CFAP61: variants seen among roughly 807,000 people sequenced by gnomAD.
CFAP61 encodes the protein cilia and flagella associated protein 61.
CFAP61 carries 107 observed loss-of-function variants against 135.6 expected under a neutral mutation model. The ratio of observed to expected loss-of-function variants is 0.79; its 90% CI spans 0.67 to 0.93. The LOEUF (loss-of-function observed/expected upper bound fraction) is 0.93, where lower values mean the gene tolerates loss of function less well. CFAP61 is among the 40% of genes least tolerant of loss of function. The pLI is 0.00. For missense variants in CFAP61, 1,507 were observed against 1,556.2 expected, an observed-to-expected ratio of 0.97 and a Z score of 0.53; for synonymous variants, 575 against 578.5, an observed-to-expected ratio of 0.99 and a Z score of 0.09.
intron 7 of CFAP61, among the ~76,000 whole-genome samples, chr20:20,096,560 C>G (rs2047587818): frequency 6.6e-6 from 1 of 152,220 alleles, no homozygotes; most frequent in African/African-American, 2.4e-5. Context: ...GTGAAGCCAG[C>G]AAAAGGTATT....
chr20:20,069,920 G>A, intron 2 of CFAP61: 2 of 276,254 alleles, frequency 7.2e-6, no homozygotes, highest in Non-Finnish European at 1.5e-5. Flanking sequence ...TGCCTTCTTT[G>A]TGTTTTGAGT....
chr20:20,246,289 T>G, intron 19 of CFAP61, 74 bp downstream of exon 19: 1 of 948,232 alleles, frequency 1.1e-6, no homozygotes, highest in Non-Finnish European at 1.7e-6. Flanking sequence ...TAATGCTAAA[T>G]AGTAGATTTC....
At chr20:20,085,829 C>A (rs1327943015) in intron 6 of CFAP61, among the ~76,000 whole-genome samples, 1 of 152,216 alleles carries the variant, frequency 6.6e-6, no homozygotes, top group African/African-American at 2.4e-5. Context: ...TTGTTGACTA[C>A]TCTCTCCTAG....
At chr20:20,254,969 G>C (rs891987206) in intron 20 of CFAP61, among the ~76,000 whole-genome samples, 7 of 152,208 alleles carry the variant, frequency 4.6e-5, no homozygotes, top group African/African-American at 1.7e-4. Context: ...CTTCCTCCCA[G>C]CTCTCTTTCC....
At chr20:20,167,512 G>T (rs2053924701) in intron 12 of CFAP61, among the ~76,000 whole-genome samples, 1 of 152,108 alleles carries the variant, frequency 6.6e-6, no homozygotes, top group Admixed American at 6.6e-5. Flanking sequence ...AAAGGTAAAA[G>T]AGCTGTTTAC....
At chr20:20,082,062 T>C (rs939717749) in intron 6 of CFAP61, among the ~76,000 whole-genome samples, 3 of 152,230 alleles carry the variant, frequency 2.0e-5, no homozygotes, top group African/African-American at 7.2e-5. Flanking sequence ...ATTGCAGTTG[T>C]GTGGACTACC....
chr20:20,265,266 T>G, intron 21 of CFAP61: 1 of 709,848 alleles, frequency 1.4e-6, no homozygotes, highest in East Asian at 2.5e-5. Flanking sequence ...TTGTTTGGGC[T>G]AGGGAGCATT....
intron 2 of CFAP61, among the ~76,000 whole-genome samples, chr20:20,066,968 G>T (rs1030409018): frequency 1.6e-4 from 25 of 152,030 alleles, no homozygotes; most frequent in African/African-American, 6.0e-4. Context: ...TGTGGAGGGG[G>T]CGGATGTGAT....
intron 6 of CFAP61, among the ~76,000 whole-genome samples, chr20:20,078,771 A>G (rs1320774292): frequency 6.6e-6 from 1 of 152,204 alleles, no homozygotes; most frequent in Non-Finnish European, 1.5e-5. Flanking sequence ...ATGCAGGGAA[A>G]TGAAATTATT....
chr20:20,358,404 G>T (rs1044318269), intron 26 of CFAP61, among the ~76,000 whole-genome samples: 1 of 152,162 alleles, frequency 6.6e-6, no homozygotes, highest in Non-Finnish European at 1.5e-5. Flanking sequence ...GTGGTTTTAC[G>T]CTATTTAACC....
rs1483334829 is a variant in CFAP61, at chr20:20,052,538, C to T, written c.-90C>T. 2 of 1,614,226 alleles carry T rather than the reference C, an allele frequency of 1.2e-6. No homozygotes were observed. The highest frequency in any genetic ancestry group is 1.1e-5 in the South Asian group (1 of 91,088). ...CACCGTTTCCATGGTGACCAGGCTGCGCGTCCTCCTTGCGGCAGCGCGTGG... is the reference window on the plus strand; with the variant it reads ...CACCGTTTCCATGGTGACCAGGCTGTGCGTCCTCCTTGCGGCAGCGCGTGG... On this transcript the variant is annotated 5_prime_UTR_variant, in exon 1 of 27. Coordinates refer to ENST00000245957, the MANE Select transcript of CFAP61 (RefSeq NM_015585.4).
intron 6 of CFAP61, among the ~76,000 whole-genome samples, chr20:20,081,950 C>T (rs1279375195): frequency 6.6e-6 from 1 of 152,190 alleles, no homozygotes; most frequent in African/African-American, 2.4e-5. Context: ...GTGCCTTTGC[C>T]TGCAGAAGGT....
In CFAP61 at chr20:20,075,551, G is replaced by A; in HGVS notation, c.502G>A (p.Asp168Asn). 1 of 1,614,146 alleles carries A rather than the reference G, an allele frequency of 6.2e-7. No homozygotes were observed. Among genetic ancestry groups the A allele is most frequent in the Non-Finnish European group, 8.5e-7 (1 of 1,180,002 alleles). Residue 168 changes from aspartate to asparagine, a missense_variant, in exon 6 of 27, where the codon GAC (aspartate) becomes AAC (asparagine). Physicochemically the swap from Asp to Asn is conservative, Grantham distance 23. Transcript: ENST00000245957. ...GNIPCLTYEEDFAVHICHRHS... is the reference protein window; with the variant it reads ...GNIPCLTYEENFAVHICHRHS... Reference sequence around the variant, plus strand: ...CATCCCGTGTCTGACGTATGAGGAAGACTTTGCAGTGCATATATGTCACAG... The same window carrying A: ...CATCCCGTGTCTGACGTATGAGGAAAACTTTGCAGTGCATATATGTCACAG...
chr20:20,352,818 C>G (rs925893252), intron 26 of CFAP61, among the ~76,000 whole-genome samples: 1 of 152,068 alleles, frequency 6.6e-6, no homozygotes, highest in African/African-American at 2.4e-5. Context: ...GCACAGGCAA[C>G]AAAAGCAAAA....
chr20:20,252,708 G>C (rs141306225), intron 20 of CFAP61, among the ~76,000 whole-genome samples: 1 of 152,202 alleles, frequency 6.6e-6, no homozygotes, highest in Non-Finnish European at 1.5e-5. Context: ...GATTCGATGC[G>C]AGCCTGTGTA....
chr20:20,231,607 T>C (rs990578824), intron 18 of CFAP61, among the ~76,000 whole-genome samples: 1 of 152,088 alleles, frequency 6.6e-6, no homozygotes, highest in Non-Finnish European at 1.5e-5. Flanking sequence ...CCTCCCCCCT[T>C]GTCTGGTGCA....
At chr20:20,093,268 G>A (rs1261475250) in intron 7 of CFAP61, among the ~76,000 whole-genome samples, 2 of 152,162 alleles carry the variant, frequency 1.3e-5, no homozygotes, top group African/African-American at 4.8e-5. Context: ...AGACACTTCT[G>A]TAGAGACAGA....
At chr20:20,258,023 G>A (rs986826542) in intron 20 of CFAP61, among the ~76,000 whole-genome samples, 7 of 152,214 alleles carry the variant, frequency 4.6e-5, no homozygotes, top group African/African-American at 1.7e-4. Context: ...AAGTGAAGGT[G>A]TAAACCAGAA....
chr20:20,143,081 G>A lies in CFAP61; in HGVS notation c.951+133G>A. On this transcript the variant is annotated intron_variant, in intron 9 of 26. Transcript: ENST00000245957. ...GCCTGATGCAGAAAAGGCCTCACTAGCAGTAAGCACACCGCGAGCTGGGGG... is the reference window on the plus strand; with the variant it reads ...GCCTGATGCAGAAAAGGCCTCACTAACAGTAAGCACACCGCGAGCTGGGGG... The A allele has an allele frequency of 6.6e-6, 4 of 602,424 alleles. No individual in the cohort carries two copies. In the South Asian group the frequency reaches 8.6e-5, roughly 13 times the overall value. 37.3% of individuals were successfully genotyped at this position (602,424 alleles called of 1,614,324 possible).
Sources: gnomAD v4.1 joint callset for allele counts (sites outside exome capture counted in the v4.1 genomes callset) on GRCh38, gnomAD v4.1.1 for gene constraint, MANE v1.5 for transcripts, NCBI Gene and HGNC (gene_info 2026-07-23, HGNC 2026-07-21) for gene names.